Variants in KCND2 observed in about 807,000 individuals in gnomAD.
KCND2 encodes potassium voltage-gated channel subfamily D member 2, also known as A-type voltage-gated potassium channel KCND2.
A neutral mutation model predicts 54.4 loss-of-function variants in KCND2; 16 were observed. The ratio of observed to expected loss-of-function variants is 0.29; its 90% CI spans 0.20 to 0.45. The LOEUF is 0.45. Ranked by LOEUF, KCND2 falls within the 20% of genes least tolerant of loss-of-function variation. KCND2 has a pLI of 1.00. For missense variants in KCND2, 486 were observed against 824.2 expected (o/e 0.59, Z 5.02); for synonymous variants, 317 against 310.7 (o/e 1.02, Z -0.21).
intron 1 of KCND2, among the ~76,000 whole-genome samples, chr7:120,317,090 C>G (rs1162403943): frequency 6.6e-6 from 1 of 152,070 alleles, no homozygotes; most frequent in Non-Finnish European, 1.5e-5. Context: ...CCACCTTGGC[C>G]TCCCAAAGTG....
At chr7:120,666,119 T>C (rs966865806) in intron 1 of KCND2, among the ~76,000 whole-genome samples, 30 of 151,528 alleles carry the variant, frequency 2.0e-4, no homozygotes, top group Non-Finnish European at 4.0e-4. Flanking sequence ...TGTGAGTGCA[T>C]CATGCCTGTC....
intron 4 of KCND2, among the ~76,000 whole-genome samples, chr7:120,742,963 G>A (rs1047989385): frequency 6.6e-6 from 1 of 152,082 alleles, no homozygotes; most frequent in Admixed American, 6.6e-5. Flanking sequence ...AATGGTGCTC[G>A]AGGGTCCCTA....
chr7:120,371,365 A>C (rs1269027464), intron 1 of KCND2, among the ~76,000 whole-genome samples: 2 of 152,062 alleles, frequency 1.3e-5, no homozygotes, highest in East Asian at 3.9e-4. Flanking sequence ...CATTTTCCAA[A>C]GGTGGCAAGT....
At chr7:120,583,186 C>G (rs1054148090) in intron 1 of KCND2, among the ~76,000 whole-genome samples, 1 of 151,990 alleles carries the variant, frequency 6.6e-6, no homozygotes, top group South Asian at 2.1e-4. Flanking sequence ...CAGCGTAGCT[C>G]TTTATCCATT....
chr7:120,305,203 A>G (rs1563003297), intron 1 of KCND2, among the ~76,000 whole-genome samples: 1 of 152,138 alleles, frequency 6.6e-6, no homozygotes, highest in Non-Finnish European at 1.5e-5. Context: ...ATAATTTTAC[A>G]AGTGTCTTTT....
intron 1 of KCND2, among the ~76,000 whole-genome samples, chr7:120,501,477 C>G (rs1348951567): frequency 1.3e-5 from 2 of 152,120 alleles, no homozygotes; most frequent in Admixed American, 1.3e-4. Flanking sequence ...TGAACATTTG[C>G]CAATGCAATG....
At chr7:120,531,692 G>A (rs1054091513) in intron 1 of KCND2, among the ~76,000 whole-genome samples, 3 of 152,032 alleles carry the variant, frequency 2.0e-5, no homozygotes, top group South Asian at 2.1e-4. Context: ...TCATACCAGC[G>A]GTCAGTTCTC....
intron 2 of KCND2, among the ~76,000 whole-genome samples, chr7:120,734,387 GT>G (rs1209422277): frequency 1.3e-5 from 2 of 152,016 alleles, no homozygotes; most frequent in Non-Finnish European, 2.9e-5. Flanking sequence ...AAACTCTGGC[GT>G]TAGTTACCAT....
intron 1 of KCND2, among the ~76,000 whole-genome samples, chr7:120,578,928 AC>A (rs1792475963): frequency 1.3e-5 from 2 of 151,992 alleles, no homozygotes; most frequent in Non-Finnish European, 2.9e-5. Context: ...ACACACACAC[AC>A]ACACACACAC....
intron 1 of KCND2, among the ~76,000 whole-genome samples, chr7:120,728,302 A>G (rs1381062738): frequency 6.9e-6 from 1 of 144,818 alleles, no homozygotes; most frequent in Non-Finnish European, 1.5e-5. Context: ...TTTTTTTTAA[A>G]AATTTTGAGA....
chr7:120,488,630 G>A (rs1286121147), intron 1 of KCND2, among the ~76,000 whole-genome samples: 1 of 152,036 alleles, frequency 6.6e-6, no homozygotes, highest in Admixed American at 6.6e-5. Flanking sequence ...AAATTCTTTT[G>A]TGGCCCCTCA....
intron 1 of KCND2, among the ~76,000 whole-genome samples, chr7:120,479,765 AAT>A (rs553400325): frequency 2.1e-5 from 3 of 140,364 alleles, no homozygotes; most frequent in Admixed American, 7.3e-5. Flanking sequence ...CCCATCTCTA[AAT>A]ATATATATAT....
At chr7:120,487,188 TCTA>T (rs1802706877) in intron 1 of KCND2, among the ~76,000 whole-genome samples, 1 of 152,142 alleles carries the variant, frequency 6.6e-6, no homozygotes, top group African/African-American at 2.4e-5. Context: ...GCCAAATAGA[TCTA>T]CTGCTCTTAC....
At chr7:120,331,060 A>G (rs1202635545) in intron 1 of KCND2, among the ~76,000 whole-genome samples, 1 of 152,152 alleles carries the variant, frequency 6.6e-6, no homozygotes, top group African/African-American at 2.4e-5. Context: ...ATCATTGTGT[A>G]AGATTTCAAA....
intron 1 of KCND2, among the ~76,000 whole-genome samples, chr7:120,562,453 G>C (rs1355472912): frequency 6.6e-6 from 1 of 152,144 alleles, no homozygotes; most frequent in Non-Finnish European, 1.5e-5. Flanking sequence ...CTATTCTGTG[G>C]TATGTAGAAG....
At chr7:120,287,468 A>C (rs1799362849) in intron 1 of KCND2, among the ~76,000 whole-genome samples, 1 of 152,110 alleles carries the variant, frequency 6.6e-6, no homozygotes, top group Non-Finnish European at 1.5e-5. Context: ...CAATTCTCAC[A>C]TCAAATATAA....
At chr7:120,521,020 C>T (rs1791685146) in intron 1 of KCND2, among the ~76,000 whole-genome samples, 1 of 151,956 alleles carries the variant, frequency 6.6e-6, no homozygotes, top group East Asian at 1.9e-4. Flanking sequence ...AGTAACAGGA[C>T]CAACCCTGGA....
intron 1 of KCND2, among the ~76,000 whole-genome samples, chr7:120,532,189 C>G (rs1186084570): frequency 1.3e-5 from 2 of 151,884 alleles, no homozygotes; most frequent in African/African-American, 4.8e-5. Flanking sequence ...TACATCATTT[C>G]TTTTAAATTA....
chr7:120,557,603 C>T (rs1047743686), intron 1 of KCND2, among the ~76,000 whole-genome samples: 1 of 152,068 alleles, frequency 6.6e-6, no homozygotes, highest in African/African-American at 2.4e-5. Context: ...CTGTCAACAC[C>T]TATAGTTTTC....
Sources: gnomAD v4.1 joint callset for allele counts (sites outside exome capture counted in the v4.1 genomes callset) on GRCh38, gnomAD v4.1.1 for gene constraint, MANE v1.5 for transcripts, NCBI Gene and HGNC (gene_info 2026-07-23, HGNC 2026-07-21) for gene names.